Variants in MIR2052HG observed in about 807,000 individuals in gnomAD.
The protein encoded by MIR2052HG is MIR2052 host gene.
Position 74,754,886 on chromosome 8 carries a change from T to A in MIR2052HG, n.464+2353T>A, listed in dbSNP as rs538121757. On this transcript the variant is annotated intron_variant and non_coding_transcript_variant, in intron 5 of 6. Coordinates refer to ENST00000523442, the Ensembl canonical transcript of MIR2052HG. ...CTCACTACAAACTAGGCAAAAGAAA[T>A]AAATATTAGGGTGATCTGTCAATTT... Among the ~76,000 whole-genome samples, 124 of 152,310 alleles carry A rather than the reference T, an allele frequency of 8.1e-4. 1 individual carries two copies. The highest frequency in any genetic ancestry group is 1.5e-3 in the Non-Finnish European group (103 of 68,022).
intron 2 of MIR2052HG, among the ~76,000 whole-genome samples, chr8:74,630,976 A>C (rs1030344107): frequency 2.0e-5 from 3 of 152,232 alleles, no homozygotes; most frequent in Non-Finnish European, 4.4e-5. Context: ...ATCTATGCTT[A>C]AATGTAATTA....
chr8:74,660,823 G>A (rs1392796907), intron 2 of MIR2052HG, among the ~76,000 whole-genome samples: 2 of 77,912 alleles, frequency 2.6e-5, no homozygotes, highest in Admixed American at 1.2e-4. Context: ...CCATAAAAAA[G>A]TAATCTTGCT....
chr8:74,666,106 A>G (rs1436285535), intron 2 of MIR2052HG, among the ~76,000 whole-genome samples: 1 of 152,132 alleles, frequency 6.6e-6, no homozygotes, highest in Non-Finnish European at 1.5e-5. Flanking sequence ...TTCTAAATTC[A>G]TACAACTGTC....
At chr8:74,725,931 A>G (rs1360355966) in intron 4 of MIR2052HG, among the ~76,000 whole-genome samples, 1 of 152,102 alleles carries the variant, frequency 6.6e-6, no homozygotes, top group East Asian at 1.9e-4. Flanking sequence ...AACTCCACAT[A>G]TAGAATTAAT....
chr8:74,727,992 G>C (rs1809654169), intron 4 of MIR2052HG, among the ~76,000 whole-genome samples: 1 of 150,748 alleles, frequency 6.6e-6, no homozygotes, highest in South Asian at 2.1e-4. Flanking sequence ...TGGCTTGGCT[G>C]CTTCTTCTAT....
In MIR2052HG at chr8:74,604,222, C is replaced by A. The variant is rs540915465; in HGVS notation, n.128+4314C>A. 4.4e-6 allele frequency: 4 copies of A among 901,266 alleles called. No individual in the cohort carries two copies. The African/African-American group carries it at 4.9e-5, about 11-fold the overall frequency. 55.8% of individuals were successfully genotyped at this position (901,266 alleles called of 1,614,324 possible). On this transcript the variant is annotated intron_variant and non_coding_transcript_variant, in intron 1 of 6. Transcript: ENST00000523442. ...GATGGTGAGAGTGATATTTAATCCA[C>A]CTTCAATCACACTGGTTTCCATGTC...
intron 4 of MIR2052HG, among the ~76,000 whole-genome samples, chr8:74,710,384 A>G (rs1809455270): frequency 6.6e-6 from 1 of 152,074 alleles, no homozygotes; most frequent in South Asian, 2.1e-4. Context: ...TTTTCAACTA[A>G]TTTCCCTTGT....
chr8:74,733,799 T>C (rs1237966006), intron 4 of MIR2052HG, among the ~76,000 whole-genome samples: 9 of 148,282 alleles, frequency 6.1e-5, no homozygotes, highest in African/African-American at 2.0e-4. Flanking sequence ...TGGTATCTCA[T>C]TGTGGTTTTG....
At position 74,668,584 on chromosome 8, in the gene MIR2052HG, A is replaced by G. The variant is rs1808957143; in HGVS notation, n.217-33795A>G. On this transcript the variant is annotated intron_variant and non_coding_transcript_variant, in intron 2 of 6. Transcript: ENST00000523442. ...CTAAAGATAATTTTGTTCCACTTCC[A>G]TCTCTAAATATCACTCTCTTTGGGG... 4.6e-5 allele frequency among the ~76,000 whole-genome samples: 7 copies of G among 152,140 alleles called. No homozygotes were observed. The South Asian group carries it at 1.0e-3, about 22-fold the overall frequency.
Position 74,699,995 on chromosome 8 carries a change from G to A in MIR2052HG, n.217-2384G>A, listed in dbSNP as rs563120524. 8.3e-4 allele frequency among the ~76,000 whole-genome samples: 126 copies of A among 152,208 alleles called. 1 individual carries two copies. The highest frequency in any genetic ancestry group is 2.4e-3 in the African/African-American group (98 of 41,550). ...ACTAAAATTCATTAAGTGCTAACCC[G>A]TTTATCAACCATTTTGCTAAGAATA... On this transcript the variant is annotated intron_variant and non_coding_transcript_variant, in intron 2 of 6. Transcript: ENST00000523442.
At chr8:74,678,542 G>A (rs1222441136) in intron 2 of MIR2052HG, among the ~76,000 whole-genome samples, 3 of 114,656 alleles carry the variant, frequency 2.6e-5, no homozygotes, top group Non-Finnish European at 4.9e-5. Flanking sequence ...CAGCCTGGGC[G>A]ATAAGATCTA....
chr8:74,738,401 G>A (rs1431934769), intron 4 of MIR2052HG, among the ~76,000 whole-genome samples: 2 of 152,048 alleles, frequency 1.3e-5, no homozygotes, highest in African/African-American at 4.8e-5. Flanking sequence ...ATTCTTTCAA[G>A]GCAAAATGTA....
At chr8:74,719,930 C>T (rs567524346) in intron 4 of MIR2052HG, among the ~76,000 whole-genome samples, 2 of 148,556 alleles carry the variant, frequency 1.3e-5, no homozygotes, top group East Asian at 2.1e-4. Context: ...TCACTGCAGC[C>T]TCCGCCTCAC....
intron 2 of MIR2052HG, among the ~76,000 whole-genome samples, chr8:74,701,049 T>C: frequency 6.6e-6 from 1 of 152,272 alleles, no homozygotes; most frequent in South Asian, 2.1e-4. Flanking sequence ...TTTTCTCCTG[T>C]ACCTTTACTT....
rs183232572 is a variant in MIR2052HG, at chr8:74,749,713, G to A, written n.372-2728G>A. Among the ~76,000 whole-genome samples the A allele has an allele frequency of 1.8e-3, 274 of 152,152 alleles. 1 individual carries two copies. Among genetic ancestry groups the A allele is most frequent in the Middle Eastern group, 3.4e-3 (1 of 294 alleles). On this transcript the variant is annotated intron_variant and non_coding_transcript_variant, in intron 4 of 6. Coordinates refer to ENST00000523442, the Ensembl canonical transcript of MIR2052HG. ...AAAATACAAAAATTAGCTGGGTATG[G>A]TGTCGGGTGCCTGTAATCCCAGCTA...
At chr8:74,756,887 T>A (rs755318219) in intron 5 of MIR2052HG, 1 of 152,206 alleles carries the variant, frequency 6.6e-6, no homozygotes, top group Non-Finnish European at 1.5e-5. Context: ...ACTTACCATA[T>A]GAACAAGTGA....
rs563670733 is a variant in MIR2052HG, at chr8:74,632,691, A to G, written n.216+19751A>G. ...TATCCTTCACCAATATTCTGTATGT[A>G]ATTCTGAATATTTAGGTTGCCAGTG... On this transcript the variant is annotated intron_variant and non_coding_transcript_variant, in intron 2 of 6. Coordinates refer to ENST00000523442, the Ensembl canonical transcript of MIR2052HG. Among the ~76,000 whole-genome samples the G allele has an allele frequency of 4.1e-4, 62 of 152,280 alleles. 1 individual carries two copies. Among genetic ancestry groups the G allele is most frequent in the African/African-American group, 1.5e-3 (61 of 41,572 alleles).
chr8:74,689,999 A>G (rs1809222835), intron 2 of MIR2052HG, among the ~76,000 whole-genome samples: 1 of 152,200 alleles, frequency 6.6e-6, no homozygotes, highest in South Asian at 2.1e-4. Flanking sequence ...AAAGGTGCTG[A>G]TAACTTAATG....
At chr8:74,667,943 G>A (rs1044485686) in intron 2 of MIR2052HG, among the ~76,000 whole-genome samples, 1 of 151,770 alleles carries the variant, frequency 6.6e-6, no homozygotes, top group Non-Finnish European at 1.5e-5. Flanking sequence ...AGGAAGTCCA[G>A]ATGTTGTCAG....
Sources: allele counts gnomAD v4.1 joint callset (sites outside exome capture counted in the v4.1 genomes callset), GRCh38; gene constraint gnomAD v4.1.1; transcripts MANE v1.5; gene names NCBI Gene and HGNC (gene_info 2026-07-23, HGNC 2026-07-21).